The following NEO1 variants were observed in gnomAD, a reference collection of about 807,000 sequenced individuals.
NEO1 encodes neogenin 1.
A neutral mutation model predicts 159.7 loss-of-function variants in NEO1; 63 were observed. The observed-to-expected ratio is 0.39, with a 90% confidence interval of 0.32 to 0.49. The LOEUF is 0.49. NEO1 is among the 20% of genes least tolerant of loss of function. The probability of loss-of-function intolerance (pLI) is 0.85; values close to 1 mark genes in which losing one functional copy is unlikely to be tolerated. For missense variants in NEO1, 1,615 were observed against 1,831.0 expected (o/e 0.88, Z 2.15); for synonymous variants, 633 against 662.0 (o/e 0.96, Z 0.67).
intron 21 of NEO1, among the ~76,000 whole-genome samples, chr15:73,277,326 T>C (rs972044622): frequency 2.6e-5 from 4 of 152,216 alleles, no homozygotes; most frequent in African/African-American, 7.2e-5. Flanking sequence ...GTATTTGCTT[T>C]TCCCAAGCAG....
intron 15 of NEO1, among the ~76,000 whole-genome samples, chr15:73,261,015 G>T (rs573014486): frequency 2.6e-5 from 4 of 151,970 alleles, no homozygotes; most frequent in Non-Finnish European, 5.9e-5. Context: ...TCCTCTACAC[G>T]TGTTAACATC....
intron 18 of NEO1, among the ~76,000 whole-genome samples, chr15:73,271,334 C>T (rs2041157909): frequency 6.6e-6 from 1 of 152,146 alleles, no homozygotes; most frequent in South Asian, 2.1e-4. Flanking sequence ...TTGCATTTCA[C>T]CAGGCTTCCT....
At chr15:73,261,899 A>C (rs986665062) in intron 15 of NEO1, among the ~76,000 whole-genome samples, 1 of 152,188 alleles carries the variant, frequency 6.6e-6, no homozygotes, top group East Asian at 1.9e-4. Context: ...TAATTGAGAC[A>C]TAGTGGTGGT....
rs138104026 is a variant in NEO1, at chr15:73,071,654, A to C, written c.130+18849A>C. Among the ~76,000 whole-genome samples, 110 of 152,050 alleles carry C rather than the reference A, an allele frequency of 7.2e-4. 1 individual carries two copies. In the East Asian group the frequency reaches 0.016, roughly 22 times the overall value. ...TTGATTGTCCCATCTCAGCCTCTCA[A>C]TGGCTGGGACTACCATGCTTGGCTA... is the stretch of plus-strand genomic sequence containing the variant. On this transcript the variant is annotated intron_variant, in intron 1 of 28. Transcript: ENST00000261908.
chr15:73,129,136 C>T (rs1254266233), intron 4 of NEO1, among the ~76,000 whole-genome samples: 2 of 152,134 alleles, frequency 1.3e-5, no homozygotes, highest in South Asian at 4.2e-4. Flanking sequence ...GTGCTTGGCC[C>T]ATAACTGGGG....
chr15:73,254,735 T>G lies in NEO1; in HGVS notation c.1998T>G (p.Ile666Met). ...PPAPATQNGQITGYKIRYRKA... is the reference protein window; with the variant it reads ...PPAPATQNGQMTGYKIRYRKA... The stretch of plus-strand genomic sequence containing the variant: ...CTCCAGCCACACAAAATGGGCAGAT[T>G]ACTGGCTACAAGATTCGCTACCGAA... The change falls in exon 13 of 29, where the codon ATT (isoleucine) becomes ATG (methionine). Residue 666 changes from isoleucine (I) to methionine (M), a missense_variant. Coordinates refer to ENST00000261908, the MANE Select transcript of NEO1 (RefSeq NM_002499.4). 2 of 1,614,060 alleles carry G rather than the reference T, an allele frequency of 1.2e-6. No homozygotes were observed. The highest frequency in any genetic ancestry group is 1.7e-6 in the Non-Finnish European group (2 of 1,179,980).
At chr15:73,285,882 C>G (rs2041925316) in intron 23 of NEO1, among the ~76,000 whole-genome samples, 1 of 152,116 alleles carries the variant, frequency 6.6e-6, no homozygotes, top group African/African-American at 2.4e-5. Context: ...GTGTACTTCC[C>G]CTGTTTGAAG....
chr15:73,264,160 T>C (rs966737873), intron 15 of NEO1, among the ~76,000 whole-genome samples: 1 of 151,910 alleles, frequency 6.6e-6, no homozygotes, highest in African/African-American at 2.4e-5. Flanking sequence ...GTACTCCAGC[T>C]GGGTGACAGA....
intron 26 of NEO1, among the ~76,000 whole-genome samples, chr15:73,295,655 C>A (rs2042335390): frequency 2.6e-5 from 4 of 152,128 alleles, no homozygotes; most frequent in Admixed American, 2.6e-4. Context: ...GATAGACTTA[C>A]TGAAGACTGA....
intron 1 of NEO1, among the ~76,000 whole-genome samples, chr15:73,061,191 C>G (rs895136821): frequency 6.6e-6 from 1 of 152,086 alleles, no homozygotes; most frequent in African/African-American, 2.4e-5. Context: ...TTGGGAAATG[C>G]CCCCTGCAGC....
rs962027800 is a variant in NEO1, at chr15:73,069,125, A to ATTTT, written c.130+16335_130+16338dup. Among the ~76,000 whole-genome samples the ATTTT allele has an allele frequency of 8.3e-4, 87 of 105,408 alleles. 3 individuals are homozygous for ATTTT. In the East Asian group the frequency reaches 0.011, roughly 14 times the overall value. The allele number at this position is 105,408 out of a possible 152,430, so 69.2% of individuals were successfully genotyped here. A position where few individuals can be genotyped will look rare whatever the true frequency, so the allele number is the denominator to read the frequency against. ...TGCGTCACCATGGGCTAATTTTTGT[A>ATTTT]TTTTTTTTTTTTTTTTTTGTAGAGA... On this transcript the variant is annotated intron_variant, in intron 1 of 28. Transcript: ENST00000261908.
chr15:73,053,833 A>T (rs1030253710), intron 1 of NEO1, among the ~76,000 whole-genome samples: 1 of 152,268 alleles, frequency 6.6e-6, no homozygotes, highest in African/African-American at 2.4e-5. Flanking sequence ...TGATATTTTT[A>T]CATTTGAAAG....
At chr15:73,274,628 G>C (rs2041320627) in intron 20 of NEO1, 64 bp from the exon 21 acceptor site, 2 of 1,537,974 alleles carry the variant, frequency 1.3e-6, no homozygotes, top group East Asian at 2.2e-5. Context: ...AGTTCTGCCT[G>C]TCCCATCTTC....
At chr15:73,204,882 G>A (rs768860858) in intron 7 of NEO1, among the ~76,000 whole-genome samples, 2 of 152,116 alleles carry the variant, frequency 1.3e-5, no homozygotes, top group Admixed American at 6.6e-5. Context: ...GGCCTTTAGT[G>A]TGAGGATTTA....
chr15:73,144,623 T>C (rs1383881989), intron 5 of NEO1, among the ~76,000 whole-genome samples: 2 of 152,236 alleles, frequency 1.3e-5, no homozygotes, highest in Non-Finnish European at 2.9e-5. Context: ...CTTCACACTC[T>C]ACCTGCTTCT....
At chr15:73,067,328 AGT>A (rs1252511125) in intron 1 of NEO1, among the ~76,000 whole-genome samples, 5 of 152,126 alleles carry the variant, frequency 3.3e-5, no homozygotes, top group African/African-American at 4.8e-5. Flanking sequence ...TTTTTGCTCC[AGT>A]TGATAGAACA....
intron 5 of NEO1, among the ~76,000 whole-genome samples, chr15:73,156,084 C>A (rs1320393424): frequency 6.6e-6 from 1 of 152,134 alleles, no homozygotes; most frequent in Non-Finnish European, 1.5e-5. Context: ...GTCACTACTT[C>A]TTATTTTTGA....
chr15:73,099,947 G>T (rs148844540), intron 1 of NEO1, among the ~76,000 whole-genome samples: 1 of 152,198 alleles, frequency 6.6e-6, no homozygotes, highest in East Asian at 1.9e-4. Context: ...TACTTTTCTT[G>T]TTCACTATCA....
chr15:73,146,581 T>G (rs1414265325), intron 5 of NEO1, among the ~76,000 whole-genome samples: 2 of 152,206 alleles, frequency 1.3e-5, no homozygotes, highest in African/African-American at 2.4e-5. Context: ...TTGAGATAAA[T>G]TCCACATTTT....
Sources: gnomAD v4.1 joint callset for allele counts (sites outside exome capture counted in the v4.1 genomes callset) on GRCh38, gnomAD v4.1.1 for gene constraint, MANE v1.5 for transcripts, NCBI Gene and HGNC (gene_info 2026-07-23, HGNC 2026-07-21) for gene names.